RANBP17: variants seen among roughly 807,000 people sequenced by gnomAD.
The protein encoded by RANBP17 is RAN binding protein 17.
RANBP17 carries 158 observed loss-of-function variants against 141.2 expected under a neutral mutation model. The ratio of observed to expected loss-of-function variants is 1.12; its 90% CI spans 0.98 to 1.28. The LOEUF is 1.28. Among genes scored for constraint, RANBP17 ranks in the 50% most tolerant of loss-of-function variants. RANBP17 has a pLI of 0.00. For synonymous variants in RANBP17, 430 were observed against 450.0 expected (o/e 0.96, Z 0.56); for missense variants, 1,438 against 1,290.7 (o/e 1.11, Z -1.75).
intron 14 of RANBP17, among the ~76,000 whole-genome samples, chr5:171,122,915 G>A (rs1756148098): frequency 6.6e-6 from 1 of 152,158 alleles, no homozygotes; most frequent in African/African-American, 2.4e-5. Flanking sequence ...TCCACTCAGA[G>A]GGCTTCAGTG....
intron 14 of RANBP17, among the ~76,000 whole-genome samples, chr5:171,154,902 C>A (rs756592281): frequency 1.4e-4 from 21 of 151,352 alleles, no homozygotes; most frequent in Non-Finnish European, 2.8e-4. Flanking sequence ...ATAATGAAAC[C>A]CTGTCTCTAC....
intron 13 of RANBP17, among the ~76,000 whole-genome samples, chr5:170,966,854 T>C (rs930471339): frequency 1.3e-5 from 2 of 152,012 alleles, no homozygotes; most frequent in African/African-American, 4.8e-5. Flanking sequence ...AGTCTCAGGA[T>C]ACAAAATCAA....
intron 14 of RANBP17, among the ~76,000 whole-genome samples, chr5:171,008,237 G>A (rs1418616783): frequency 6.6e-6 from 1 of 152,226 alleles, no homozygotes; most frequent in African/African-American, 2.4e-5. Context: ...TTGAAGGGTA[G>A]CGAGAGAGGC....
At chr5:170,934,018 A>T (rs940014430) in intron 12 of RANBP17, among the ~76,000 whole-genome samples, 1 of 152,258 alleles carries the variant, frequency 6.6e-6, no homozygotes, top group South Asian at 2.1e-4. Context: ...GTGGGGTTTT[A>T]AAATCTCCCA....
chr5:170,967,235 T>G (rs1276483657), intron 13 of RANBP17, among the ~76,000 whole-genome samples: 3 of 152,124 alleles, frequency 2.0e-5, no homozygotes. Flanking sequence ...GAGGAGAATC[T>G]GTAGTCATAT....
At chr5:171,286,656 G>T (rs2128040864) in intron 25 of RANBP17, among the ~76,000 whole-genome samples, 1 of 152,184 alleles carries the variant, frequency 6.6e-6, no homozygotes, top group African/African-American at 2.4e-5. Flanking sequence ...GAGAACAATT[G>T]ATTTCTTTTC....
chr5:171,018,279 T>C (rs1168633257), intron 14 of RANBP17, among the ~76,000 whole-genome samples: 1 of 152,234 alleles, frequency 6.6e-6, no homozygotes, highest in Non-Finnish European at 1.5e-5. Context: ...TAGTTTTTTT[T>C]CTAATTCTGT....
At chr5:171,069,088 A>G (rs926162668) in intron 14 of RANBP17, among the ~76,000 whole-genome samples, 6 of 152,206 alleles carry the variant, frequency 3.9e-5, no homozygotes, top group African/African-American at 9.6e-5. Context: ...CCTGGAACCA[A>G]TAAGTAAAGG....
chr5:171,186,171 G>A (rs1166072854), intron 18 of RANBP17, among the ~76,000 whole-genome samples: 1 of 152,188 alleles, frequency 6.6e-6, no homozygotes, highest in African/African-American at 2.4e-5. Context: ...TTGAAGCTTT[G>A]AAGCCAGACA....
rs369913981 is a variant in RANBP17, at chr5:170,862,325, C to G, written c.18+274C>G. Among the ~76,000 whole-genome samples, 63 of 152,264 alleles carry G rather than the reference C, an allele frequency of 4.1e-4. 1 individual carries two copies. In the South Asian group the frequency reaches 0.013, roughly 31 times the overall value. On this transcript the variant is annotated intron_variant, in intron 1 of 27. Transcript: ENST00000523189. ...GGCGGGGGACAGGCCCAGGGCTCGT[C>G]CCGGGGAAGGTGCGGACGCCGGCAG...
At chr5:171,224,550 T>C (rs1215382451) in intron 22 of RANBP17, among the ~76,000 whole-genome samples, 2 of 152,164 alleles carry the variant, frequency 1.3e-5, no homozygotes, top group African/African-American at 4.8e-5. Context: ...TTCTGTTCTC[T>C]GTTGGGTTGT....
At chr5:171,062,185 A>C (rs990171884) in intron 14 of RANBP17, among the ~76,000 whole-genome samples, 2 of 151,080 alleles carry the variant, frequency 1.3e-5, no homozygotes, top group African/African-American at 2.4e-5. Context: ...GTTATGTGTG[A>C]ATTTGATCCT....
At position 171,242,709 on chromosome 5, in the gene RANBP17, T is replaced by A. The variant is rs1209377088; in HGVS notation, c.2665T>A (p.Tyr889Asn). The change falls in exon 24 of 28, where the codon TAT (tyrosine) becomes AAT (asparagine). Residue 889 changes from tyrosine to asparagine, a missense_variant. Transcript: ENST00000523189. ...LQYRKLSQSYYPLLECLTQDH... is the reference protein window; with the variant it reads ...LQYRKLSQSYNPLLECLTQDH... ...ATACCGGAAACTGAGCCAGTCTTAT[T>A]ATCCACTCCTGGAATGTCTCACTCA... is the stretch of plus-strand genomic sequence containing the variant. The A allele has an allele frequency of 1.4e-5, 22 of 1,613,736 alleles. No homozygotes were observed. The highest frequency in any genetic ancestry group is 1.7e-5 in the Non-Finnish European group (20 of 1,179,908).
chr5:170,904,042 A>C (rs1770877743), intron 5 of RANBP17: 1 of 471,466 alleles, frequency 2.1e-6, no homozygotes, highest in Admixed American at 2.4e-5. Flanking sequence ...CAGCTGCTTC[A>C]GGCAGACCCT....
In RANBP17 at chr5:171,062,227, G is replaced by A. The variant is rs1403173650; in HGVS notation, c.1710+93850G>A. Among the ~76,000 whole-genome samples, 5 of 152,166 alleles carry A rather than the reference G, an allele frequency of 3.3e-5. No homozygotes were observed. In the South Asian group the frequency reaches 8.3e-4, roughly 25 times the overall value. On this transcript the variant is annotated intron_variant, in intron 14 of 27. Transcript: ENST00000523189. ...ATGATGTTAGCTGGTGATTTTGCTCGTTAGTTGATGGAGTTTCTTCCTAGC... is the reference window on the plus strand; with the variant it reads ...ATGATGTTAGCTGGTGATTTTGCTCATTAGTTGATGGAGTTTCTTCCTAGC...
At chr5:171,069,976 A>G (rs1784540600) in intron 14 of RANBP17, among the ~76,000 whole-genome samples, 1 of 152,200 alleles carries the variant, frequency 6.6e-6, no homozygotes, top group Admixed American at 6.5e-5. Context: ...AGTGAAAGGT[A>G]ATATAATATT....
intron 25 of RANBP17, among the ~76,000 whole-genome samples, chr5:171,293,039 C>T (rs1768594585): frequency 6.6e-6 from 1 of 152,152 alleles, no homozygotes; most frequent in Admixed American, 6.5e-5. Context: ...CATCCCCACC[C>T]TCCTTTTTTG....
At chr5:171,244,509 C>T (rs533754005) in intron 24 of RANBP17, among the ~76,000 whole-genome samples, 2 of 152,208 alleles carry the variant, frequency 1.3e-5, no homozygotes, top group African/African-American at 4.8e-5. Context: ...TGCAGTGATG[C>T]AATCTCATCT....
intron 14 of RANBP17, among the ~76,000 whole-genome samples, chr5:171,142,465 T>C (rs1757769741): frequency 1.3e-5 from 2 of 152,208 alleles, no homozygotes; most frequent in African/African-American, 4.8e-5. Context: ...CTGAACCAAG[T>C]GTTCTGCCCT....
Sources: gnomAD v4.1 joint callset for allele counts (sites outside exome capture counted in the v4.1 genomes callset) on GRCh38, gnomAD v4.1.1 for gene constraint, MANE v1.5 for transcripts, NCBI Gene and HGNC (gene_info 2026-07-23, HGNC 2026-07-21) for gene names.